LAMA2: variants seen among roughly 807,000 people sequenced by gnomAD.
The protein encoded by LAMA2 is laminin subunit alpha-2.
In LAMA2, 269 loss-of-function variants were observed where a neutral mutation model predicts 364.8. The observed-to-expected ratio is 0.74, with a 90% confidence interval of 0.67 to 0.82. The LOEUF (loss-of-function observed/expected upper bound fraction) is 0.82, where lower values mean the gene tolerates loss of function less well. Among genes scored for constraint, LAMA2 ranks in the 40% least tolerant of loss-of-function variants. The probability of loss-of-function intolerance (pLI) is 0.00; values close to 1 mark genes in which losing one functional copy is unlikely to be tolerated. For synonymous variants in LAMA2, 1,379 were observed against 1,370.6 expected (o/e 1.01, Z -0.14); for missense variants, 3,807 against 3,873.2 (o/e 0.98, Z 0.45).
chr6:129,340,342 T>G (rs553609897), intron 29 of LAMA2, among the ~76,000 whole-genome samples: 2 of 151,550 alleles, frequency 1.3e-5, no homozygotes, highest in East Asian at 3.9e-4. Flanking sequence ...CAAATATTAA[T>G]GAGAATGAGC....
At chr6:128,935,687 T>C (rs1490732377) in intron 1 of LAMA2, among the ~76,000 whole-genome samples, 1 of 152,230 alleles carries the variant, frequency 6.6e-6, no homozygotes, top group African/African-American at 2.4e-5. Flanking sequence ...AATAGCACTT[T>C]AGATGGAGTT....
intron 32 of LAMA2, among the ~76,000 whole-genome samples, chr6:129,364,891 C>G (rs1312368495): frequency 6.6e-6 from 1 of 152,198 alleles, no homozygotes; most frequent in African/African-American, 2.4e-5. Context: ...GAAGGCAAAG[C>G]TGGAGCAGGC....
At chr6:129,248,112 T>G (rs1171986085) in intron 12 of LAMA2, among the ~76,000 whole-genome samples, 4 of 152,106 alleles carry the variant, frequency 2.6e-5, no homozygotes, top group African/African-American at 9.7e-5. Context: ...GGTATTAGAT[T>G]CTCACAGGAG....
At chr6:129,372,393 T>C (rs1778138671) in intron 34 of LAMA2, among the ~76,000 whole-genome samples, 1 of 152,358 alleles carries the variant, frequency 6.6e-6, no homozygotes, top group South Asian at 2.1e-4. Context: ...GCTGGAATCA[T>C]ACAGTGTGGT....
chr6:129,158,652 A>G, intron 8 of LAMA2: 6 of 1,614,198 alleles, frequency 3.7e-6, no homozygotes, highest in Non-Finnish European at 5.1e-6. Context: ...CATAGAAATG[A>G]GCAAAACCAG....
intron 28 of LAMA2, among the ~76,000 whole-genome samples, chr6:129,321,575 A>G (rs1464682442): frequency 6.6e-6 from 1 of 152,052 alleles, no homozygotes; most frequent in Non-Finnish European, 1.5e-5. Context: ...ATATTATTAA[A>G]TCTCCCTCAC....
At chr6:128,934,378 T>C (rs183453825) in intron 1 of LAMA2, among the ~76,000 whole-genome samples, 6 of 152,348 alleles carry the variant, frequency 3.9e-5, no homozygotes, top group African/African-American at 1.4e-4. Flanking sequence ...TGCTTCTGGC[T>C]TTGTCCTTCT....
At position 129,491,989 on chromosome 6, in the gene LAMA2, G is replaced by T; in HGVS notation, c.7987G>T (p.Gly2663Trp). The T allele has an allele frequency of 6.2e-7, 1 of 1,613,764 alleles. No homozygotes were observed. The highest frequency in any genetic ancestry group is 8.5e-7 in the Non-Finnish European group (1 of 1,179,704). Residue 2663 changes from glycine (G) to tryptophan (W), a missense_variant, in exon 57 of 65, where the codon GGG becomes TGG. Transcript: ENST00000421865. ...TATCGAAGTTAAAAAGCTTTTCGTT[G>T]GGGGTGCTCCACCTGAATTTCAACC... ...QPIEVKKLFV[G>W]GAPPEFQPSP... is the part of the protein sequence containing the mutation.
intron 53 of LAMA2, 42 bp downstream of exon 53, chr6:129,475,443 T>C: frequency 6.6e-7 from 1 of 1,525,678 alleles, no homozygotes; most frequent in African/African-American, 1.4e-5. Context: ...AGTGCATGGG[T>C]TGGGTAAATG....
At chr6:129,505,594 T>C (rs1167313290) in intron 61 of LAMA2, among the ~76,000 whole-genome samples, 1 of 151,994 alleles carries the variant, frequency 6.6e-6, no homozygotes, top group African/African-American at 2.4e-5. Flanking sequence ...CTGCAAGCTC[T>C]CCCTCCCGGG....
At chr6:129,209,208 T>C (rs931568949) in intron 12 of LAMA2, among the ~76,000 whole-genome samples, 2 of 152,182 alleles carry the variant, frequency 1.3e-5, no homozygotes, top group East Asian at 3.9e-4. Flanking sequence ...GCAAAAATGC[T>C]TTATTTTGCT....
chr6:129,126,760 G>A (rs936334996), intron 4 of LAMA2, among the ~76,000 whole-genome samples: 2 of 152,090 alleles, frequency 1.3e-5, no homozygotes, highest in Non-Finnish European at 2.9e-5. Flanking sequence ...ATATATCATA[G>A]TGACATATCC....
At chr6:129,174,382 T>A (rs1432592756) in intron 9 of LAMA2, among the ~76,000 whole-genome samples, 1 of 152,116 alleles carries the variant, frequency 6.6e-6, no homozygotes, top group Non-Finnish European at 1.5e-5. Flanking sequence ...TTTATTTTAT[T>A]TTCGGAATCT....
intron 3 of LAMA2, among the ~76,000 whole-genome samples, chr6:129,088,522 G>C (rs1325568082): frequency 6.6e-6 from 1 of 150,812 alleles, no homozygotes; most frequent in Non-Finnish European, 1.5e-5. Flanking sequence ...GGCCAGGCGG[G>C]GGCTGCCCCC....
chr6:129,119,508 T>C (rs1776675941), intron 4 of LAMA2, among the ~76,000 whole-genome samples: 1 of 151,718 alleles, frequency 6.6e-6, no homozygotes, highest in Non-Finnish European at 1.5e-5. Flanking sequence ...CTAAAGCATA[T>C]ATTATACATT....
chr6:129,514,377 T>A lies in LAMA2; in HGVS notation c.8993T>A (p.Met2998Lys), dbSNP rs147928808. ...GTTCTATTTCCTACTTTCCAGTTGA[T>A]GTTTCATGTGGACAATGGTGCGGGC... ...MGIEMIDEKL[M>K]FHVDNGAGRF... The change falls in exon 64 of 65, where the codon ATG (methionine) becomes AAG (lysine). Residue 2998 changes from methionine (M) to lysine (K), a missense_variant. Transcript: ENST00000421865. 17 of 1,610,310 alleles carry A rather than the reference T, an allele frequency of 1.1e-5. No homozygotes were observed. The East Asian group carries it at 3.8e-4, about 36-fold the overall frequency.
At chr6:129,075,252 G>A (rs893679199) in intron 3 of LAMA2, among the ~76,000 whole-genome samples, 2 of 152,116 alleles carry the variant, frequency 1.3e-5, no homozygotes, top group African/African-American at 4.8e-5. Flanking sequence ...ATAAATGTGG[G>A]GTGCTGAGGA....
intron 4 of LAMA2, among the ~76,000 whole-genome samples, chr6:129,135,019 A>T (rs1011746979): frequency 2.0e-5 from 3 of 152,168 alleles, no homozygotes; most frequent in Admixed American, 6.5e-5. Flanking sequence ...GCACCGTCGG[A>T]TCCCATGACA....
intron 19 of LAMA2, among the ~76,000 whole-genome samples, chr6:129,289,815 C>T (rs1191389250): frequency 1.3e-5 from 2 of 151,918 alleles, no homozygotes; most frequent in African/African-American, 2.4e-5. Context: ...TACTACTTGC[C>T]GTGAGTATAG....
Sources: allele counts gnomAD v4.1 joint callset (sites outside exome capture counted in the v4.1 genomes callset), GRCh38; gene constraint gnomAD v4.1.1; transcripts MANE v1.5; gene names NCBI Gene and HGNC (gene_info 2026-07-23, HGNC 2026-07-21).